PSD3: variants seen among roughly 807,000 people sequenced by gnomAD.
The protein encoded by PSD3 is PH and SEC7 domain-containing protein 3.
In PSD3, 49 loss-of-function variants were observed where a neutral mutation model predicts 105.5. The ratio of observed to expected loss-of-function variants is 0.46; its 90% CI spans 0.37 to 0.59. The LOEUF is 0.59. Among genes scored for constraint, PSD3 ranks in the 20% least tolerant of loss-of-function variants. The pLI, the probability that PSD3 is intolerant of heterozygous loss-of-function variation, is 0.00. For synonymous variants in PSD3, 557 were observed against 457.8 expected (o/e 1.22, Z -2.77); for missense variants, 1,561 against 1,263.8 (o/e 1.24, Z -3.57).
chr8:18,961,478 C>T (rs933664021), intron 1 of PSD3, among the ~76,000 whole-genome samples: 10 of 152,150 alleles, frequency 6.6e-5, no homozygotes, highest in African/African-American at 1.9e-4. Context: ...CATCTAAGGT[C>T]AGGAGTTCAA....
At chr8:18,579,098 A>C (rs1156548693) in intron 12 of PSD3, among the ~76,000 whole-genome samples, 2 of 71,226 alleles carry the variant, frequency 2.8e-5, no homozygotes, top group African/African-American at 7.3e-5. Context: ...CTCCAAGTCC[A>C]CACACACACA....
At chr8:18,614,962 G>A (rs1805548439) in intron 11 of PSD3, among the ~76,000 whole-genome samples, 1 of 152,090 alleles carries the variant, frequency 6.6e-6, no homozygotes, top group South Asian at 2.1e-4. Context: ...ATATCTGACT[G>A]AAGGAATATG....
At chr8:18,683,822 C>T (rs1800511103) in intron 9 of PSD3, 1 of 765,174 alleles carries the variant, frequency 1.3e-6, no homozygotes, top group African/African-American at 1.7e-5. Flanking sequence ...TTTTCATGGA[C>T]TTTGACCTGT....
At chr8:18,878,155 A>G (rs1456581039) in intron 2 of PSD3, among the ~76,000 whole-genome samples, 2 of 151,818 alleles carry the variant, frequency 1.3e-5, no homozygotes, top group Admixed American at 6.6e-5. Flanking sequence ...TTTTTTTTAT[A>G]ATTTTAAATG....
chr8:18,984,053 T>C (rs374583407), intron 1 of PSD3, among the ~76,000 whole-genome samples: 4 of 143,610 alleles, frequency 2.8e-5, no homozygotes, highest in African/African-American at 7.7e-5. Context: ...ATCATAACAA[T>C]AGGTATAATA....
At chr8:18,666,323 T>C (rs369392882) in intron 9 of PSD3, among the ~76,000 whole-genome samples, 18 of 152,250 alleles carry the variant, frequency 1.2e-4, no homozygotes, top group African/African-American at 3.4e-4. Flanking sequence ...AGTTCTGTGA[T>C]TAAAGGCGTG....
intron 1 of PSD3, among the ~76,000 whole-genome samples, chr8:19,057,292 G>A (rs186368344): frequency 6.6e-6 from 1 of 152,160 alleles, no homozygotes; most frequent in East Asian, 1.9e-4. Context: ...TACACATACT[G>A]CTCTTCAGCC....
At chr8:18,989,199 C>G (rs1825663227) in intron 1 of PSD3, 1 of 152,184 alleles carries the variant, frequency 6.6e-6, no homozygotes, top group Non-Finnish European at 1.5e-5. Context: ...TGCACTGGAG[C>G]TAGACACTGC....
At chr8:18,718,078 G>A (rs541217264) in intron 9 of PSD3, among the ~76,000 whole-genome samples, 77 of 152,266 alleles carry the variant, frequency 5.1e-4, no homozygotes, top group South Asian at 1.2e-3. Flanking sequence ...GGCAGAAATG[G>A]AATTAGTTTC....
intron 2 of PSD3, among the ~76,000 whole-genome samples, chr8:18,912,850 C>T (rs961687258): frequency 1.3e-5 from 2 of 152,036 alleles, no homozygotes; most frequent in Non-Finnish European, 2.9e-5. Context: ...CATTTTCATG[C>T]AACAGGAAAT....
intron 9 of PSD3, among the ~76,000 whole-genome samples, chr8:18,662,212 G>C (rs1325197783): frequency 1.3e-5 from 2 of 152,100 alleles, no homozygotes; most frequent in East Asian, 1.9e-4. Context: ...TATTGAAAGA[G>C]AATCTGAAGT....
At chr8:18,768,126 A>AC (rs1230368386) in intron 8 of PSD3, among the ~76,000 whole-genome samples, 1 of 149,764 alleles carries the variant, frequency 6.7e-6, no homozygotes, top group African/African-American at 2.4e-5. Flanking sequence ...CAAAAAAAAA[A>AC]AAAAAAAAAA....
chr8:18,994,447 G>A (rs1825959717), intron 1 of PSD3, among the ~76,000 whole-genome samples: 1 of 151,990 alleles, frequency 6.6e-6, no homozygotes, highest in African/African-American at 2.4e-5. Flanking sequence ...AGAGAATTAT[G>A]AGATAAAGAA....
At chr8:18,601,462 C>G (rs766824672) in intron 11 of PSD3, among the ~76,000 whole-genome samples, 13 of 152,128 alleles carry the variant, frequency 8.5e-5, no homozygotes, top group Non-Finnish European at 1.8e-4. Flanking sequence ...TATTGTCAAC[C>G]AAATCCTTTA....
intron 8 of PSD3, among the ~76,000 whole-genome samples, chr8:18,787,870 C>T (rs985267226): frequency 6.6e-6 from 1 of 152,040 alleles, no homozygotes; most frequent in Admixed American, 6.5e-5. Context: ...AACAAGTGTC[C>T]AAGCTCTAGC....
intron 1 of PSD3, among the ~76,000 whole-genome samples, chr8:18,944,678 G>A (rs1411239851): frequency 6.6e-6 from 1 of 151,978 alleles, no homozygotes; most frequent in African/African-American, 2.4e-5. Flanking sequence ...CTGTGGAAAG[G>A]CACTTAGGAA....
At chr8:18,805,789 C>A (rs939484685) in intron 4 of PSD3, among the ~76,000 whole-genome samples, 1 of 152,110 alleles carries the variant, frequency 6.6e-6, no homozygotes, top group Non-Finnish European at 1.5e-5. Flanking sequence ...CAAACCTTTG[C>A]GGGCAGATAC....
chr8:18,730,193 T>TA (rs1378187465), intron 9 of PSD3: 1 of 152,176 alleles, frequency 6.6e-6, no homozygotes, highest in African/African-American at 2.4e-5. Context: ...GGGACAGCTC[T>TA]AAAAAATCTG....
At chr8:18,877,694 A>T (rs1817824547) in intron 2 of PSD3, among the ~76,000 whole-genome samples, 1 of 151,392 alleles carries the variant, frequency 6.6e-6, no homozygotes, top group Non-Finnish European at 1.5e-5. Context: ...CGCATGCACC[A>T]CCATGCCTGG....
Sources: allele counts gnomAD v4.1 joint callset (sites outside exome capture counted in the v4.1 genomes callset), GRCh38; gene constraint gnomAD v4.1.1; transcripts MANE v1.5; gene names NCBI Gene and HGNC (gene_info 2026-07-23, HGNC 2026-07-21).